RORA: variants seen among roughly 807,000 people sequenced by gnomAD.
RORA encodes nuclear receptor ROR-alpha.
Under a neutral mutation model 69.5 loss-of-function variants are expected in RORA, and 7 were observed. The observed-to-expected ratio is 0.10, with a 90% CI of 0.06 to 0.19. The LOEUF (loss-of-function observed/expected upper bound fraction) is 0.19, where lower values mean the gene tolerates loss of function less well. RORA is among the 10% of genes least tolerant of loss of function. The pLI, the probability that RORA is intolerant of heterozygous loss-of-function variation, is 1.00. For missense variants in RORA, 457 were observed against 663.0 expected (o/e 0.69, Z 3.41); for synonymous variants, 261 against 240.8 (o/e 1.08, Z -0.78).
At chr15:60,994,642 T>C (rs943885705) in intron 1 of RORA, among the ~76,000 whole-genome samples, 1 of 152,182 alleles carries the variant, frequency 6.6e-6, no homozygotes, top group African/African-American at 2.4e-5. Flanking sequence ...TACATGATTA[T>C]AGCCCAGGAA....
chr15:61,006,328 T>C (rs1894914427), intron 1 of RORA, among the ~76,000 whole-genome samples: 1 of 152,168 alleles, frequency 6.6e-6, no homozygotes, highest in African/African-American at 2.4e-5. Flanking sequence ...TGACCATGTA[T>C]TTCTTTTGCA....
chr15:60,663,377 G>C (rs1049924196), intron 2 of RORA, among the ~76,000 whole-genome samples: 1 of 152,228 alleles, frequency 6.6e-6, no homozygotes, highest in Non-Finnish European at 1.5e-5. Flanking sequence ...TTTATGCCAA[G>C]AGGGTTAGTT....
chr15:61,211,389 C>G (rs1051891504), intron 1 of RORA, among the ~76,000 whole-genome samples: 1 of 152,120 alleles, frequency 6.6e-6, no homozygotes, highest in Non-Finnish European at 1.5e-5. Context: ...GAAGAAAACT[C>G]CAGCCGGAGC....
At chr15:61,127,412 C>T (rs915385589) in intron 1 of RORA, among the ~76,000 whole-genome samples, 8 of 152,096 alleles carry the variant, frequency 5.3e-5, no homozygotes, top group Admixed American at 1.3e-4. Flanking sequence ...GGAAACGGAG[C>T]CACAAAAAAA....
intron 1 of RORA, among the ~76,000 whole-genome samples, chr15:61,069,330 A>T (rs1350682676): frequency 6.6e-6 from 1 of 152,228 alleles, no homozygotes; most frequent in Non-Finnish European, 1.5e-5. Flanking sequence ...AGTGAAGAAA[A>T]AGCTTTTGCA....
intron 1 of RORA, among the ~76,000 whole-genome samples, chr15:60,796,010 A>G (rs1407875007): frequency 2.6e-5 from 4 of 152,234 alleles, no homozygotes; most frequent in African/African-American, 9.6e-5. Flanking sequence ...TATAACCATC[A>G]TCATTATAAC....
chr15:61,119,406 T>C (rs12907617), intron 1 of RORA, among the ~76,000 whole-genome samples: 1,053 of 99,668 alleles, frequency 0.011, 14 homozygotes, highest in African/African-American at 0.041. Context: ...TATATATATA[T>C]ACACACACTA....
At chr15:61,201,986 A>C (rs191517798) in intron 1 of RORA, among the ~76,000 whole-genome samples, 1 of 149,854 alleles carries the variant, frequency 6.7e-6, no homozygotes, top group Admixed American at 6.8e-5. Context: ...TCAAACTTTT[A>C]ATATTTATCA....
chr15:60,994,158 A>G (rs1324792268), intron 1 of RORA, among the ~76,000 whole-genome samples: 1 of 152,216 alleles, frequency 6.6e-6, no homozygotes, highest in Admixed American at 6.5e-5. Flanking sequence ...AGAGGTCACT[A>G]AGAGTGGTTA....
chr15:60,743,181 A>C (rs2071599865), intron 1 of RORA, among the ~76,000 whole-genome samples: 1 of 151,856 alleles, frequency 6.6e-6, no homozygotes, highest in African/African-American at 2.4e-5. Context: ...TGCCCGGCTA[A>C]TTTTTGTATT....
At chr15:61,129,718 C>CA (rs1195193980) in intron 1 of RORA, among the ~76,000 whole-genome samples, 2 of 152,162 alleles carry the variant, frequency 1.3e-5, no homozygotes, top group African/African-American at 4.8e-5. Flanking sequence ...CTAACCCTAC[C>CA]AGGGCTTCAC....
At chr15:60,899,526 A>G (rs1201513831) in intron 1 of RORA, among the ~76,000 whole-genome samples, 1 of 152,194 alleles carries the variant, frequency 6.6e-6, no homozygotes, top group Non-Finnish European at 1.5e-5. Context: ...AGCAAGCATA[A>G]CCCAGCAGTT....
intron 1 of RORA, among the ~76,000 whole-genome samples, chr15:60,995,275 T>G (rs959328676): frequency 1.1e-4 from 17 of 152,270 alleles, no homozygotes; most frequent in Non-Finnish European, 2.2e-4. Flanking sequence ...CAATTTGAGC[T>G]GGTTGTTAGC....
intron 1 of RORA, among the ~76,000 whole-genome samples, chr15:60,927,767 C>G (rs186692035): frequency 1.1e-4 from 17 of 152,286 alleles, no homozygotes; most frequent in African/African-American, 3.4e-4. Context: ...GAGGAAGACT[C>G]TGTCTCAAAA....
intron 1 of RORA, among the ~76,000 whole-genome samples, chr15:60,715,518 A>C (rs2071208595): frequency 6.6e-6 from 1 of 152,218 alleles, no homozygotes; most frequent in East Asian, 1.9e-4. Flanking sequence ...AGCCTGGACA[A>C]ACAAAGCTAT....
At chr15:60,689,803 A>C (rs1296165929) in intron 1 of RORA, among the ~76,000 whole-genome samples, 1 of 152,182 alleles carries the variant, frequency 6.6e-6, no homozygotes, top group African/African-American at 2.4e-5. Context: ...CATAGCTATA[A>C]GCTCAAGAAT....
At chr15:60,850,208 A>G (rs952534067) in intron 1 of RORA, among the ~76,000 whole-genome samples, 3 of 152,134 alleles carry the variant, frequency 2.0e-5, no homozygotes, top group Admixed American at 6.5e-5. Context: ...TTTAGGGTCG[A>G]AATAACATGC....
intron 1 of RORA, among the ~76,000 whole-genome samples, chr15:60,821,205 C>T (rs1250145541): frequency 6.6e-6 from 1 of 152,198 alleles, no homozygotes; most frequent in Non-Finnish European, 1.5e-5. Flanking sequence ...TCCAGGTTCA[C>T]TGATCATTGG....
At chr15:60,782,598 T>G (rs898690377) in intron 1 of RORA, among the ~76,000 whole-genome samples, 1 of 152,190 alleles carries the variant, frequency 6.6e-6, no homozygotes, top group African/African-American at 2.4e-5. Context: ...AGAAATCAGT[T>G]GAAGTTTTAT....
Sources: gnomAD v4.1 joint callset for allele counts (sites outside exome capture counted in the v4.1 genomes callset) on GRCh38, gnomAD v4.1.1 for gene constraint, MANE v1.5 for transcripts, NCBI Gene and HGNC (gene_info 2026-07-23, HGNC 2026-07-21) for gene names.